HPCAL1: variants seen among roughly 807,000 people sequenced by gnomAD.
HPCAL1 encodes the protein hippocalcin like 1.
In HPCAL1, 8 loss-of-function variants were observed where a neutral mutation model predicts 17.1. That is an observed-to-expected ratio of 0.47 (90% confidence interval 0.27 to 0.84). The LOEUF is 0.84. Ranked by LOEUF, HPCAL1 falls within the 40% of genes least tolerant of loss-of-function variation. HPCAL1 has a pLI of 0.13. For missense variants in HPCAL1, 165 were observed against 271.1 expected (o/e 0.61, Z 2.75); for synonymous variants, 112 against 111.4 (o/e 1.01, Z -0.03).
intron 1 of HPCAL1, among the ~76,000 whole-genome samples, chr2:10,353,217 A>C (rs1004304055): frequency 1.3e-5 from 2 of 152,204 alleles, no homozygotes. Flanking sequence ...TGCTGGGCAC[A>C]GGTTTGTCTG....
chr2:10,359,901 GCCGGGT>G lies in HPCAL1; in HGVS notation c.-110-36931_-110-36926del, dbSNP rs1558485160. Among the ~76,000 whole-genome samples the G allele has an allele frequency of 5.5e-3, 826 of 149,216 alleles. 6 individuals are homozygous for G. The highest frequency in any genetic ancestry group is 0.028 in the Middle Eastern group (8 of 282). On this transcript the variant is annotated intron_variant, in intron 1 of 4. Transcript: ENST00000307845. This position sits in a 1 kb window ranked among gnomAD's most constrained non-coding sequence, Gnocchi z 4.1. ...CCTCCTGCCTCCTTCCACAGTGCCC[GCCGGGT>G]CCACAGCGCCCGCCGGGTCCACAGC...
At chr2:10,393,388 G>C (rs1390517523) in intron 1 of HPCAL1, among the ~76,000 whole-genome samples, 1 of 152,220 alleles carries the variant, frequency 6.6e-6, no homozygotes, top group African/African-American at 2.4e-5. Context: ...TTCCTGCTAG[G>C]AAGCCTGGTG....
At chr2:10,426,106 C>G (rs1210472141) in intron 4 of HPCAL1, 1 of 152,492 alleles carries the variant, frequency 6.6e-6, no homozygotes, top group Non-Finnish European at 1.5e-5. Flanking sequence ...GGCCACTCAG[C>G]CCAGTGTGGA....
In HPCAL1 at chr2:10,384,715, A is replaced by G. The variant is rs1337106391; in HGVS notation, c.-110-12120A>G. ...GGGAGTTAGGGAGTGTTCTAGGCAG[A>G]GTAAACAGTGCAGTGGCAGCCGGGG... is the stretch of plus-strand genomic sequence containing the variant. On this transcript the variant is annotated intron_variant, in intron 1 of 4. Transcript: ENST00000307845. The surrounding 1 kb of genome is among the most constrained non-coding windows in gnomAD (Gnocchi z 4.4). 6.6e-6 allele frequency among the ~76,000 whole-genome samples: 1 copy of G among 152,222 alleles called. No individual in the cohort carries two copies. Among genetic ancestry groups the G allele is most frequent in the Non-Finnish European group, 1.5e-5 (1 of 68,036 alleles).
intron 2 of HPCAL1, among the ~76,000 whole-genome samples, chr2:10,410,277 G>A (rs1414606938): frequency 6.6e-6 from 1 of 152,116 alleles, no homozygotes; most frequent in African/African-American, 2.4e-5. Context: ...GGACAATCAA[G>A]CCCTCGGTTC....
intron 1 of HPCAL1, among the ~76,000 whole-genome samples, chr2:10,340,023 G>A (rs959838470): frequency 3.3e-5 from 5 of 152,234 alleles, no homozygotes; most frequent in African/African-American, 1.2e-4. Context: ...ACTTGGTTTT[G>A]TTGATCTGGT....
intron 2 of HPCAL1, among the ~76,000 whole-genome samples, chr2:10,413,868 A>G (rs1490781438): frequency 1.3e-5 from 2 of 152,240 alleles, no homozygotes; most frequent in African/African-American, 4.8e-5. Flanking sequence ...CTCAACTCCC[A>G]GGGCCTAGAA....
intron 1 of HPCAL1, among the ~76,000 whole-genome samples, chr2:10,373,814 A>T (rs1311299140): frequency 6.6e-6 from 1 of 152,158 alleles, no homozygotes; most frequent in Non-Finnish European, 1.5e-5. Context: ...CAGCCCCCAC[A>T]CTGGGACCTG....
At chr2:10,402,684 G>C (rs1363342171) in intron 2 of HPCAL1, among the ~76,000 whole-genome samples, 3 of 152,158 alleles carry the variant, frequency 2.0e-5, no homozygotes, top group Non-Finnish European at 4.4e-5. Flanking sequence ...TATTAAACAT[G>C]AATCAAATAA....
chr2:10,404,539 C>T (rs1434117272), intron 2 of HPCAL1, among the ~76,000 whole-genome samples: 2 of 152,188 alleles, frequency 1.3e-5, no homozygotes, highest in Non-Finnish European at 2.9e-5. Flanking sequence ...GCCACAGACT[C>T]CCCAGAGACG....
intron 2 of HPCAL1, chr2:10,408,680 C>T (rs1670127001): frequency 6.6e-6 from 1 of 152,260 alleles, no homozygotes; most frequent in South Asian, 2.1e-4. Context: ...TGGCCTCTGG[C>T]AGCGTTCTCA....
intron 1 of HPCAL1, among the ~76,000 whole-genome samples, chr2:10,351,965 C>T (rs1372423612): frequency 6.7e-6 from 1 of 149,054 alleles, no homozygotes; most frequent in East Asian, 2.0e-4. Flanking sequence ...TGCAGTGGCG[C>T]GATCTCAGCT....
intron 1 of HPCAL1, among the ~76,000 whole-genome samples, chr2:10,352,668 A>C (rs1017635873): frequency 1.3e-5 from 2 of 152,156 alleles, no homozygotes; most frequent in African/African-American, 2.4e-5. Context: ...TCTCAATGCC[A>C]GGGTGTCAGG....
chr2:10,353,020 G>T (rs181266647), intron 1 of HPCAL1, among the ~76,000 whole-genome samples: 60 of 152,332 alleles, frequency 3.9e-4, no homozygotes, highest in African/African-American at 1.3e-3. Context: ...AGAGAAAGGC[G>T]ATTGGAATTT....
chr2:10,398,135 C>A (rs531559928), intron 2 of HPCAL1, among the ~76,000 whole-genome samples: 1 of 152,248 alleles, frequency 6.6e-6, no homozygotes, highest in South Asian at 2.1e-4. Flanking sequence ...TCAGTTGGGG[C>A]CATGGATGTA....
At chr2:10,390,807 G>A (rs891011210) in intron 1 of HPCAL1, among the ~76,000 whole-genome samples, 4 of 152,160 alleles carry the variant, frequency 2.6e-5, no homozygotes, top group African/African-American at 9.7e-5. Flanking sequence ...AGGAGGAACT[G>A]ACCCCAGAAA....
chr2:10,404,132 C>T (rs1429439874), intron 2 of HPCAL1, among the ~76,000 whole-genome samples: 1 of 152,176 alleles, frequency 6.6e-6, no homozygotes, highest in African/African-American at 2.4e-5. Flanking sequence ...GTAGCAGGGA[C>T]AAGTTACTTG....
intron 1 of HPCAL1, among the ~76,000 whole-genome samples, chr2:10,357,441 CAG>C (rs1422437803): frequency 6.6e-6 from 1 of 152,204 alleles, no homozygotes; most frequent in Non-Finnish European, 1.5e-5. Context: ...GAAGCTGTGG[CAG>C]GGGCCCGGGA....
chr2:10,319,570 AGGTGGGGTGGGGTGGGGTGG>A (rs57294658), intron 1 of HPCAL1, among the ~76,000 whole-genome samples: 1 of 31,346 alleles, frequency 3.2e-5, no homozygotes, highest in Non-Finnish European at 9.3e-5. Flanking sequence ...GCTGACGGGC[AGGTGGGGTGGGGTGGGGTGG>A]GGTGGGGTGG....
Sources: gnomAD v4.1 joint callset for allele counts (sites outside exome capture counted in the v4.1 genomes callset) on GRCh38, gnomAD v4.1.1 for gene constraint, Gnocchi (gnomAD v3.1) non-coding constraint, MANE v1.5 for transcripts, NCBI Gene and HGNC (gene_info 2026-07-23, HGNC 2026-07-21) for gene names.